ARHGEF9: variants seen among roughly 807,000 people sequenced by gnomAD.
ARHGEF9 encodes Cdc42 guanine nucleotide exchange factor 9, also known as rho guanine nucleotide exchange factor 9.
In ARHGEF9, 2 loss-of-function variants were observed where a neutral mutation model predicts 41.3. The ratio of observed to expected loss-of-function variants is 0.05; its 90% CI spans 0.02 to 0.15. The LOEUF is 0.15. Ranked by LOEUF, ARHGEF9 falls within the 10% of genes least tolerant of loss-of-function variation. The pLI is 1.00. For missense variants in ARHGEF9, 225 were observed against 424.7 expected, an observed-to-expected ratio of 0.53 and a Z score of 4.13; for synonymous variants, 160 against 154.4, an observed-to-expected ratio of 1.04 and a Z score of -0.27.
chrX:63,684,875 A>G (rs1283233724), intron 4 of ARHGEF9, among the ~76,000 whole-genome samples: 5 of 109,788 alleles, frequency 4.6e-5, no homozygotes, highest in Admixed American at 9.8e-5. Context: ...CCAGTCACAG[A>G]AAGAAAACTA....
chrX:63,774,088 TC>T (rs2147818617), intron 1 of ARHGEF9, among the ~76,000 whole-genome samples: 1 of 106,934 alleles, frequency 9.4e-6, no homozygotes, highest in East Asian at 2.9e-4. Context: ...TATCTATCTA[TC>T]TATCTACTTA....
chrX:63,635,150 C>T lies in ARHGEF9; in HGVS notation c.*2878G>A, dbSNP rs2047251745. On this transcript the variant is annotated 3_prime_UTR_variant, in exon 10 of 10. Coordinates refer to ENST00000671741, the MANE Select transcript of ARHGEF9 (RefSeq NM_001353921.2). Reference sequence around the variant, plus strand: ...AGAGCAGCAAGGGTAATCAAAGTCACTGTTGCCCATCCATCCACCCCAGCC... The same window carrying T: ...AGAGCAGCAAGGGTAATCAAAGTCATTGTTGCCCATCCATCCACCCCAGCC... 2.5e-6 allele frequency: 1 copy of T among 394,187 alleles called. No individual in the cohort carries two copies. Among genetic ancestry groups the T allele is most frequent in the East Asian group, 4.6e-5 (1 of 21,643 alleles). The allele number at this position is 394,187 out of a possible 1,213,427, so 32.5% of individuals were successfully genotyped here.
At chrX:63,760,309 T>C (rs1365177252) in intron 1 of ARHGEF9, among the ~76,000 whole-genome samples, 1 of 111,236 alleles carries the variant, frequency 9.0e-6, no homozygotes, top group African/African-American at 3.3e-5. Flanking sequence ...GTTTATTGTC[T>C]TAGCTACTGA....
intron 3 of ARHGEF9, among the ~76,000 whole-genome samples, chrX:63,699,017 G>A (rs2051966706): frequency 9.0e-6 from 1 of 111,363 alleles, no homozygotes. Flanking sequence ...AACTCCTGTA[G>A]GCCCTTCCCT....
At chrX:63,657,572 G>A (rs1294815471) in intron 7 of ARHGEF9, 2 of 111,785 alleles carry the variant, frequency 1.8e-5, no homozygotes, top group Non-Finnish European at 3.8e-5. Context: ...TGATCTATTG[G>A]TTGTCCCCAG....
chrX:63,648,218 C>G (rs1224302970), intron 8 of ARHGEF9, among the ~76,000 whole-genome samples: 2 of 111,482 alleles, frequency 1.8e-5, no homozygotes, highest in Admixed American at 1.9e-4. Context: ...GGGTCACCCA[C>G]AAAAGGAAGC....
At position 63,637,921 on chromosome X, in the gene ARHGEF9, T is replaced by C; in HGVS notation, c.*107A>G. 3.2e-6 allele frequency: 2 copies of C among 616,546 alleles called. No individual in the cohort carries two copies. The highest frequency in any genetic ancestry group is 4.9e-6 in the Non-Finnish European group (2 of 406,505). 50.8% of individuals were successfully genotyped at this position (616,546 alleles called of 1,213,427 possible). On this transcript the variant is annotated 3_prime_UTR_variant, in exon 10 of 10. Transcript: ENST00000671741. ...GTGTATGTGTACTCAAGGGTCTCTG[T>C]GTGTGTGTGTGTGTATAAATTTCAA...
chrX:63,648,437 G>C (rs781856292), intron 8 of ARHGEF9, among the ~76,000 whole-genome samples: 4 of 111,339 alleles, frequency 3.6e-5, no homozygotes, highest in African/African-American at 6.5e-5. Context: ...CCCTAAAAGA[G>C]CTCCTGAAGG....
At position 63,778,798 on chromosome X, in the gene ARHGEF9, T is replaced by C. The variant is rs1246876038; in HGVS notation, c.30+6318A>G. Among the ~76,000 whole-genome samples the C allele has an allele frequency of 2.7e-5, 3 of 112,055 alleles. No homozygotes were observed. The Admixed American group carries it at 2.8e-4, about 11-fold the overall frequency. On this transcript the variant is annotated intron_variant, in intron 1 of 9. Transcript: ENST00000671741. ...GGCAAAATGTTGCCAGCCTCTTTGC[T>C]AAAACATAGAAAGAATCACCTTTGC... is the stretch of plus-strand genomic sequence containing the variant.
At chrX:63,774,496 C>G (rs1218973324) in intron 1 of ARHGEF9, among the ~76,000 whole-genome samples, 1 of 111,871 alleles carries the variant, frequency 8.9e-6, no homozygotes, top group Non-Finnish European at 1.9e-5. Context: ...AGCTTCTGAG[C>G]TCTTGTTCTA....
chrX:63,685,645 T>G (rs2050936558), intron 4 of ARHGEF9, among the ~76,000 whole-genome samples: 1 of 111,849 alleles, frequency 8.9e-6, no homozygotes, highest in Non-Finnish European at 1.9e-5. Flanking sequence ...CAGAAGAGTA[T>G]ACCTAAAAAT....
At chrX:63,732,828 C>T (rs1261586119) in intron 1 of ARHGEF9, among the ~76,000 whole-genome samples, 1 of 111,756 alleles carries the variant, frequency 8.9e-6, no homozygotes, top group Non-Finnish European at 1.9e-5. Context: ...ATGATCAATC[C>T]TACTTCTGTG....
At chrX:63,647,318 A>C (rs2048177811) in intron 8 of ARHGEF9, among the ~76,000 whole-genome samples, 2 of 111,863 alleles carry the variant, frequency 1.8e-5, no homozygotes, top group African/African-American at 6.5e-5. Context: ...CAGTTTTCAA[A>C]GGGAATGCTT....
rs146293005 is a variant in ARHGEF9 at position 63,636,231 on chromosome X, T to C, written c.*1797A>G. On this transcript the variant is annotated 3_prime_UTR_variant, in exon 10 of 10. Coordinates refer to ENST00000671741, the MANE Select transcript of ARHGEF9 (RefSeq NM_001353921.2). The stretch of plus-strand genomic sequence containing the variant: ...CCTGTCATGATGAAGTCTTCTCCCA[T>C]GGGGTTTAGGACAGACTCCCAGTCT... 6 of 111,542 alleles carry C rather than the reference T, an allele frequency of 5.4e-5. No homozygotes were observed. The highest frequency in any genetic ancestry group is 9.8e-5 in the African/African-American group (3 of 30,683). The allele number at this position is 111,542 out of a possible 1,213,427, so 9.2% of individuals were successfully genotyped here.
chrX:63,655,818 C>T lies in ARHGEF9; in HGVS notation c.1078-81G>A, dbSNP rs1326292037. ...GTTGGCACAGGGGCACAGCAGAATG[C>T]TAACACTGTCACCGTTTTGAAGTAC... On this transcript the variant is annotated intron_variant, in intron 7 of 9. Transcript: ENST00000671741. 4.4e-6 allele frequency: 5 copies of T among 1,132,333 alleles called. No homozygotes were observed. The African/African-American group carries it at 5.3e-5, about 12-fold the overall frequency. The allele number at this position is 1,132,333 out of a possible 1,213,427, so 93.3% of individuals were successfully genotyped here.
chrX:63,775,584 A>G (rs1488028806), intron 1 of ARHGEF9, among the ~76,000 whole-genome samples: 1 of 112,182 alleles, frequency 8.9e-6, no homozygotes, highest in Admixed American at 9.5e-5. Context: ...CAGAAAACCA[A>G]GTACTGCATG....
chrX:63,714,403 C>T (rs1470852082), intron 2 of ARHGEF9, among the ~76,000 whole-genome samples: 1 of 112,404 alleles, frequency 8.9e-6, no homozygotes, highest in African/African-American at 3.2e-5. Flanking sequence ...TTTTTATTTC[C>T]ATTTCCCAGA....
At chrX:63,700,858 A>T (rs782067437) in intron 3 of ARHGEF9, among the ~76,000 whole-genome samples, 12 of 111,600 alleles carry the variant, frequency 1.1e-4, no homozygotes, top group Non-Finnish European at 2.1e-4. Context: ...CTGAATGGTA[A>T]CAGGGAACAG....
intron 1 of ARHGEF9, chrX:63,737,225 T>G (rs2054666325): frequency 8.9e-6 from 1 of 112,358 alleles, no homozygotes; most frequent in Non-Finnish European, 1.9e-5. Flanking sequence ...CAAATTCAAA[T>G]TCACACTAAA....
Sources: gnomAD v4.1 joint callset for allele counts (sites outside exome capture counted in the v4.1 genomes callset) on GRCh38, gnomAD v4.1.1 for gene constraint, MANE v1.5 for transcripts, NCBI Gene and HGNC (gene_info 2026-07-23, HGNC 2026-07-21) for gene names.